ECE1: variants seen among roughly 807,000 people sequenced by gnomAD.
ECE1 encodes endothelin converting enzyme 1.
In ECE1, 35 loss-of-function variants were observed where a neutral mutation model predicts 98.6. The observed-to-expected ratio is 0.35, with a 90% CI of 0.27 to 0.47. The LOEUF is 0.47. Ranked by LOEUF, ECE1 falls within the 20% of genes least tolerant of loss-of-function variation. The pLI, the probability that ECE1 is intolerant of heterozygous loss-of-function variation, is 1.00. For missense variants in ECE1, 814 were observed against 1,025.3 expected (o/e 0.79, Z 2.81); for synonymous variants, 394 against 407.1 (o/e 0.97, Z 0.39).
intron 8 of ECE1, among the ~76,000 whole-genome samples, chr1:21,250,146 C>T (rs1159036597): frequency 6.6e-6 from 1 of 152,056 alleles, no homozygotes; most frequent in Non-Finnish European, 1.5e-5. Context: ...GGCCCCAACC[C>T]CCACTCCTGG....
chr1:21,286,215 C>T (rs2098260370), intron 2 of ECE1, among the ~76,000 whole-genome samples: 1 of 152,144 alleles, frequency 6.6e-6, no homozygotes, highest in South Asian at 2.1e-4. Flanking sequence ...CCCTTCCTGC[C>T]GCTGAAAATG....
At chr1:21,317,061 G>A (rs907144161) in intron 1 of ECE1, among the ~76,000 whole-genome samples, 5 of 152,064 alleles carry the variant, frequency 3.3e-5, no homozygotes, top group Non-Finnish European at 7.4e-5. Flanking sequence ...AAACGGACTG[G>A]GGGTGTGGGG....
In ECE1 at chr1:21,322,597, A is replaced by T. The variant is rs1392733115; in HGVS notation, c.3+22779T>A. On this transcript the variant is annotated intron_variant, in intron 1 of 18. Transcript: ENST00000415912. This position sits in a 1 kb window ranked among gnomAD's most constrained non-coding sequence, Gnocchi z 4.1. ...AAAATGGCAGTGCCACTGCTGGCATAGGGGATGGGGACACCAGTGTGGTGG... is the reference window on the plus strand; with the variant it reads ...AAAATGGCAGTGCCACTGCTGGCATTGGGGATGGGGACACCAGTGTGGTGG... Among the ~76,000 whole-genome samples, 1 of 152,152 alleles carries T rather than the reference A, an allele frequency of 6.6e-6. No homozygotes were observed. The highest frequency in any genetic ancestry group is 1.9e-4 in the East Asian group (1 of 5,184).
In ECE1 at chr1:21,307,417, G is replaced by C. The variant is rs1334373667; in HGVS notation, c.4-17261C>G. 6.6e-6 allele frequency among the ~76,000 whole-genome samples: 1 copy of C among 152,182 alleles called. No individual in the cohort carries two copies. Among genetic ancestry groups the C allele is most frequent in the Non-Finnish European group, 1.5e-5 (1 of 68,048 alleles). On this transcript the variant is annotated intron_variant, in intron 1 of 18. Coordinates refer to the ECE1 transcript ENST00000415912. The surrounding 1 kb of genome is among the most constrained non-coding windows in gnomAD (Gnocchi z 4.2). ...CCTCTGCATGGTGAGGGTGGCAGTGGCTTCCTTGCCGGGGGTTATGAGCAT... is the reference window on the plus strand; with the variant it reads ...CCTCTGCATGGTGAGGGTGGCAGTGCCTTCCTTGCCGGGGGTTATGAGCAT...
intron 1 of ECE1, among the ~76,000 whole-genome samples, chr1:21,300,008 A>C (rs974806173): frequency 1.3e-5 from 2 of 152,244 alleles, no homozygotes; most frequent in Non-Finnish European, 2.9e-5. Flanking sequence ...CCTGACCCTG[A>C]ACCCAGCTCC....
intron 15 of ECE1, 50 bp from the exon 16 acceptor site, chr1:21,227,276 C>T (rs1256099112): frequency 1.3e-6 from 2 of 1,557,028 alleles, no homozygotes. Flanking sequence ...AGGAGGGCCT[C>T]TCACTCTTGC....
upstream of ECE1, among the ~76,000 whole-genome samples, chr1:21,292,090 C>T (rs2098267067): frequency 1.3e-5 from 2 of 151,922 alleles, no homozygotes; most frequent in Admixed American, 6.6e-5. Flanking sequence ...CAGGAGGTGG[C>T]GGCTACAGTG....
At chr1:21,223,686 G>T (rs528707340) in intron 17 of ECE1, among the ~76,000 whole-genome samples, 5 of 151,846 alleles carry the variant, frequency 3.3e-5, no homozygotes, top group African/African-American at 4.8e-5. Context: ...GGCTGGTCTT[G>T]AACTCCTGAC....
At chr1:21,227,575 T>C (rs2103218015) in intron 15 of ECE1, among the ~76,000 whole-genome samples, 1 of 152,342 alleles carries the variant, frequency 6.6e-6, no homozygotes, top group South Asian at 2.1e-4. Context: ...TCAATTGCTT[T>C]GCCCAAGGAC....
chr1:21,322,205 C>T lies in ECE1; in HGVS notation c.3+23171G>A, dbSNP rs529539655. ...AGGGGCTCAGAAAGAAGTGGCAAGG[C>T]GGCTTCTCAGTGAGATGGAGTGGGG... On this transcript the variant is annotated intron_variant, in intron 1 of 18. Transcript: ENST00000415912. This position sits in a 1 kb window ranked among gnomAD's most constrained non-coding sequence, Gnocchi z 4.1. 3.9e-5 allele frequency among the ~76,000 whole-genome samples: 6 copies of T among 152,282 alleles called. No individual in the cohort carries two copies. Among genetic ancestry groups the T allele is most frequent in the Admixed American group, 1.3e-4 (2 of 15,298 alleles).
In ECE1 at chr1:21,256,139, C is replaced by G; in HGVS notation, c.829-1G>C. 6.3e-7 allele frequency: 1 copy of G among 1,598,210 alleles called. No homozygotes were observed. Among genetic ancestry groups the G allele is most frequent in the Non-Finnish European group, 8.6e-7 (1 of 1,167,498 alleles). On this transcript the variant is annotated splice_acceptor_variant, in intron 7 of 18. Transcript: ENST00000374893. LOFTEE classifies it high-confidence loss of function. Reference sequence around the variant, plus strand: ...TGTAGTTCAGATATCCGGTCAGCACCTGCAGGGCCCATACCCCAAACTGTC... The same window carrying G: ...TGTAGTTCAGATATCCGGTCAGCACGTGCAGGGCCCATACCCCAAACTGTC...
chr1:21,223,606 C>T (rs2098170158), intron 17 of ECE1, among the ~76,000 whole-genome samples: 2 of 152,132 alleles, frequency 1.3e-5, no homozygotes, highest in East Asian at 3.9e-4. Context: ...GCTGGGATTA[C>T]TGGCGCCTGC....
intron 3 of ECE1, 93 bp from the exon 4 acceptor site, chr1:21,273,004 T>C: frequency 2.2e-6 from 3 of 1,392,812 alleles, no homozygotes; most frequent in Non-Finnish European, 3.0e-6. Flanking sequence ...GGGCCACATG[T>C]CCCACCCTGG....
upstream of ECE1, among the ~76,000 whole-genome samples, chr1:21,290,729 A>G (rs980084036): frequency 3.9e-5 from 6 of 152,222 alleles, no homozygotes; most frequent in African/African-American, 1.4e-4. The surrounding 1 kb of genome is among the most constrained non-coding windows in gnomAD (Gnocchi z 7.3). Context: ...AGATAACAAA[A>G]GTATCAGGAA....
At chr1:21,309,597 G>A (rs1296641223) in intron 1 of ECE1, among the ~76,000 whole-genome samples, 2 of 152,118 alleles carry the variant, frequency 1.3e-5, no homozygotes, top group African/African-American at 4.8e-5. Flanking sequence ...TCCCAAGCAG[G>A]TCATGATCAC....
chr1:21,236,779 C>T lies in ECE1; in HGVS notation c.1455G>A (p.Met485Ile). 1 of 1,614,118 alleles carries T rather than the reference C, an allele frequency of 6.2e-7. No individual in the cohort carries two copies. Among genetic ancestry groups the T allele is most frequent in the Non-Finnish European group, 8.5e-7 (1 of 1,180,022 alleles). ...FEESLSTLKWMDEETRKSAKE... is the reference protein window; with the variant it reads ...FEESLSTLKWIDEETRKSAKE... ...TGGCTGATTTTCGGGTTTCCTCATC[C>T]ATCCACTTCAGGGTGCTCAGGCTTT... The change falls in exon 12 of 19, where the codon ATG becomes ATA. Residue 485 changes from methionine (M) to isoleucine (I), a missense_variant. Coordinates refer to ENST00000374893, the MANE Select transcript of ECE1 (RefSeq NM_001397.3).
At chr1:21,249,253 G>A (rs967258956) in intron 8 of ECE1, among the ~76,000 whole-genome samples, 3 of 151,566 alleles carry the variant, frequency 2.0e-5, no homozygotes, top group African/African-American at 7.3e-5. Flanking sequence ...TGAGGCAGGA[G>A]AATCGCTTGA....
At position 21,260,905 on chromosome 1, in the gene ECE1, G is replaced by A. The variant is rs914398710; in HGVS notation, c.494-513C>T. ...GCTAGGCACGTTCACCAGGCTTACA[G>A]CCAACTCCTGGGGCCGTTTTCCACC... On this transcript the variant is annotated intron_variant, in intron 4 of 18. Coordinates refer to ENST00000374893, the MANE Select transcript of ECE1 (RefSeq NM_001397.3). The surrounding 1 kb of genome is among the most constrained non-coding windows in gnomAD (Gnocchi z 4.3). 2.0e-5 allele frequency among the ~76,000 whole-genome samples: 3 copies of A among 152,194 alleles called. No homozygotes were observed. The highest frequency in any genetic ancestry group is 6.5e-5 in the Admixed American group (1 of 15,278).
chr1:21,339,937 C>G (rs368997173), intron 1 of ECE1, among the ~76,000 whole-genome samples: 1 of 152,348 alleles, frequency 6.6e-6, no homozygotes, highest in East Asian at 1.9e-4. Context: ...GCCACCCTGA[C>G]AGTGGGGTTC....
Sources: gnomAD v4.1 joint callset for allele counts (sites outside exome capture counted in the v4.1 genomes callset) on GRCh38, gnomAD v4.1.1 for gene constraint, Gnocchi (gnomAD v3.1) non-coding constraint, MANE v1.5 for transcripts, NCBI Gene and HGNC (gene_info 2026-07-23, HGNC 2026-07-21) for gene names.